RXRA: variants seen among roughly 807,000 people sequenced by gnomAD.
RXRA encodes retinoic acid receptor RXR-alpha.
A neutral mutation model predicts 44.5 loss-of-function variants in RXRA; 5 were observed. The observed-to-expected ratio is 0.11, with a 90% CI of 0.06 to 0.24. The LOEUF is 0.24. Among genes scored for constraint, RXRA ranks in the 10% least tolerant of loss-of-function variants. The pLI is 1.00. For missense variants in RXRA, 412 were observed against 646.5 expected (o/e 0.64, Z 3.93); for synonymous variants, 291 against 271.4 (o/e 1.07, Z -0.71).
intron 4 of RXRA, among the ~76,000 whole-genome samples, chr9:134,414,194 C>G (rs1450559925): frequency 6.6e-6 from 1 of 152,260 alleles, no homozygotes. Flanking sequence ...TCACAAAACA[C>G]TCGCTAATTA....
In RXRA at chr9:134,436,750, TCTGC is replaced by T. The variant is rs1831629495; in HGVS notation, c.*139_*142del. 2.2e-6 allele frequency: 2 copies of T among 926,396 alleles called. No homozygotes were observed. The highest frequency in any genetic ancestry group is 2.6e-5 in the East Asian group (1 of 38,874). The allele number at this position is 926,396 out of a possible 1,614,324, so 57.4% of individuals were successfully genotyped here. On this transcript the variant is annotated 3_prime_UTR_variant, in exon 10 of 10. Coordinates refer to ENST00000481739, the MANE Select transcript of RXRA (RefSeq NM_002957.6). ...ACTTTGGGGCACAGCCTGTCACTGC[TCTGC>T]CTAAGAGATGTGTTGTCACCCTCCT...
At position 134,375,894 on chromosome 9, in the gene RXRA, C is replaced by T. The variant is rs530832885; in HGVS notation, c.29-25738C>T. Among the ~76,000 whole-genome samples, 512 of 151,868 alleles carry T rather than the reference C, an allele frequency of 3.4e-3. 5 individuals carry two copies. The highest frequency in any genetic ancestry group is 0.012 in the African/African-American group (484 of 41,330). ...AACAAACACCACGTGCCCTGCGACT[C>T]GATGGCAGAGGCCACGTAGAGAAAA... On this transcript the variant is annotated intron_variant, in intron 1 of 9. Coordinates refer to ENST00000481739, the MANE Select transcript of RXRA (RefSeq NM_002957.6).
chr9:134,417,468 C>T lies in RXRA; in HGVS notation c.780+141C>T. ...CCCTGTGGCTGCCTCAGCTCGGCCTCTTACCTGAGGTGACCCCGTGGGCCC... is the reference window on the plus strand; with the variant it reads ...CCCTGTGGCTGCCTCAGCTCGGCCTTTTACCTGAGGTGACCCCGTGGGCCC... On this transcript the variant is annotated intron_variant, in intron 5 of 9. Coordinates refer to ENST00000481739, the MANE Select transcript of RXRA (RefSeq NM_002957.6). This position sits in a 1 kb window ranked among gnomAD's most constrained non-coding sequence, Gnocchi z 6.1. 3.0e-6 allele frequency: 3 copies of T among 999,478 alleles called. No homozygotes were observed. Among genetic ancestry groups the T allele is most frequent in the Non-Finnish European group, 1.5e-6 (1 of 687,768 alleles). The allele number at this position is 999,478 out of a possible 1,614,324, so 61.9% of individuals were successfully genotyped here. A position where few individuals can be genotyped will look rare whatever the true frequency, so the allele number is the denominator to read the frequency against.
At chr9:134,415,946 C>G (rs896672348) in intron 4 of RXRA, among the ~76,000 whole-genome samples, 2 of 152,166 alleles carry the variant, frequency 1.3e-5, no homozygotes, top group African/African-American at 4.8e-5. Context: ...CCATAGTTTT[C>G]TCACCGGTAC....
intron 1 of RXRA, among the ~76,000 whole-genome samples, chr9:134,393,562 A>G (rs1244873522): frequency 6.6e-6 from 1 of 152,156 alleles, no homozygotes; most frequent in Non-Finnish European, 1.5e-5. Flanking sequence ...GACTCGGGGA[A>G]GGTGGTGCGT....
At chr9:134,377,253 G>A (rs1266737259) in intron 1 of RXRA, among the ~76,000 whole-genome samples, 3 of 152,202 alleles carry the variant, frequency 2.0e-5, no homozygotes, top group Non-Finnish European at 2.9e-5. Context: ...CAGCCCCAGG[G>A]GTGTTGGGTC....
intron 1 of RXRA, among the ~76,000 whole-genome samples, chr9:134,385,621 G>GGATGTGAGGGCCTGCGC (rs1830707865): frequency 6.6e-6 from 1 of 152,194 alleles, no homozygotes; most frequent in Non-Finnish European, 1.5e-5. Flanking sequence ...GGCACGGTGG[G>GGATGTGAGGGCCTGCGC]GATGTGAGGG....
rs748305060 is a variant in RXRA at position 134,407,308 on chromosome 9, G to A, written c.280-841G>A. Among the ~76,000 whole-genome samples the A allele has an allele frequency of 6.6e-6, 1 of 152,260 alleles. No individual in the cohort carries two copies. The highest frequency in any genetic ancestry group is 6.5e-5 in the Admixed American group (1 of 15,292). On this transcript the variant is annotated intron_variant, in intron 2 of 9. Coordinates refer to ENST00000481739, the MANE Select transcript of RXRA (RefSeq NM_002957.6). The surrounding 1 kb of genome is among the most constrained non-coding windows in gnomAD (Gnocchi z 4.8). ...TTCCTGCGCACAAGCGGCGGCAGGGGTTTGCAGAAGTGGAGGCTGGGGGCT... is the reference window on the plus strand; with the variant it reads ...TTCCTGCGCACAAGCGGCGGCAGGGATTTGCAGAAGTGGAGGCTGGGGGCT...
At chr9:134,376,155 G>A (rs1830553925) in intron 1 of RXRA, among the ~76,000 whole-genome samples, 1 of 152,176 alleles carries the variant, frequency 6.6e-6, no homozygotes, top group Non-Finnish European at 1.5e-5. Flanking sequence ...CGCTGGTTGG[G>A]GCGGAAGAAG....
intron 1 of RXRA, among the ~76,000 whole-genome samples, chr9:134,336,840 G>A (rs1454013973): frequency 1.3e-5 from 2 of 152,242 alleles, no homozygotes; most frequent in South Asian, 2.1e-4. Flanking sequence ...TTCTCAAATC[G>A]TGACCATGAC....
chr9:134,409,349 G>A (rs1054806094), intron 4 of RXRA, among the ~76,000 whole-genome samples: 3 of 152,196 alleles, frequency 2.0e-5, no homozygotes, highest in South Asian at 2.1e-4. Context: ...TTGGCTGTCC[G>A]GTGAGGGGAT....
At chr9:134,373,031 G>A (rs766231517) in intron 1 of RXRA, among the ~76,000 whole-genome samples, 14 of 152,224 alleles carry the variant, frequency 9.2e-5, no homozygotes, top group Non-Finnish European at 1.9e-4. Flanking sequence ...GGGCTGTGGC[G>A]TCTGCCCCGG....
intron 5 of RXRA, among the ~76,000 whole-genome samples, chr9:134,418,985 A>G (rs1831283500): frequency 2.0e-5 from 3 of 152,104 alleles, no homozygotes; most frequent in African/African-American, 7.2e-5. Context: ...GGATAGGACA[A>G]CCTGGTGCCC....
At chr9:134,384,223 C>G (rs965392003) in intron 1 of RXRA, among the ~76,000 whole-genome samples, 2 of 152,140 alleles carry the variant, frequency 1.3e-5, no homozygotes, top group Non-Finnish European at 2.9e-5. Flanking sequence ...TACTGTCACC[C>G]CGGCGGGGAG....
rs560199311 is a variant in RXRA, at chr9:134,351,284, G to A, written c.28+24625G>A. Among the ~76,000 whole-genome samples, 5 of 152,328 alleles carry A rather than the reference G, an allele frequency of 3.3e-5. No homozygotes were observed. In the East Asian group the frequency reaches 7.7e-4, roughly 24 times the overall value. On this transcript the variant is annotated intron_variant, in intron 1 of 9. Transcript: ENST00000481739. ...AGTGCCTGGCCCTGTGGGCTGCAGC[G>A]TCCTCCTCAGAGAAGGGGCAGTCGG...
chr9:134,335,021 C>G (rs782803593), intron 1 of RXRA, among the ~76,000 whole-genome samples: 3 of 152,164 alleles, frequency 2.0e-5, no homozygotes, highest in Non-Finnish European at 4.4e-5. Flanking sequence ...GGTTATCACT[C>G]AAGGCCAGGC....
chr9:134,326,749 G>A, intron 1 of RXRA, 90 bp downstream of exon 1: 2 of 240,880 alleles, frequency 8.3e-6, no homozygotes, highest in Non-Finnish European at 1.3e-5. Flanking sequence ...CGGCGCGCGC[G>A]GGGGGTCGCC....
chr9:134,371,306 C>T (rs148882294), intron 1 of RXRA, among the ~76,000 whole-genome samples: 2 of 152,306 alleles, frequency 1.3e-5, no homozygotes, highest in Middle Eastern at 3.4e-3. Flanking sequence ...CGTGAGGTCT[C>T]AGGGGACCAG....
rs530404116 is a variant in RXRA at position 134,356,275 on chromosome 9, G to A, written c.28+29616G>A. Among the ~76,000 whole-genome samples the A allele has an allele frequency of 2.1e-3, 327 of 152,288 alleles. 1 individual carries two copies. Among genetic ancestry groups the A allele is most frequent in the African/African-American group, 7.5e-3 (313 of 41,560 alleles). On this transcript the variant is annotated intron_variant, in intron 1 of 9. Coordinates refer to ENST00000481739, the MANE Select transcript of RXRA (RefSeq NM_002957.6). ...TGACTCTCCCTGGGGGAGTTCTGGG[G>A]CCTTGGGTAGGTCACCTCATCAACC...
Sources: allele counts gnomAD v4.1 joint callset (sites outside exome capture counted in the v4.1 genomes callset), GRCh38; gene constraint gnomAD v4.1.1; non-coding constraint Gnocchi (gnomAD v3.1); transcripts MANE v1.5; gene names NCBI Gene and HGNC (gene_info 2026-07-23, HGNC 2026-07-21).